IFT70B: variants seen among roughly 807,000 people sequenced by gnomAD.
IFT70B encodes the protein intraflagellar transport 70B.
chr2:177,552,773 G>C, the IFT70B span: 2 of 1,522,120 alleles, frequency 1.3e-6, no homozygotes, highest in South Asian at 2.6e-5. Flanking sequence ...TAACCACCAC[G>C]GCTGTTATGG....
chr2:177,552,329 TC>T, the IFT70B span: 3 of 1,614,136 alleles, frequency 1.9e-6, no homozygotes, highest in Non-Finnish European at 2.5e-6. Flanking sequence ...CACTTTCCTC[TC>T]CCCCTTCCCT....
At chr2:177,552,388 C>G in the IFT70B span, 1 of 1,613,896 alleles carries the variant, frequency 6.2e-7, no homozygotes. Context: ...AGATCGCCCT[C>G]GCTGTACTTG....
chr2:177,552,593 G>A, the IFT70B span: 1 of 1,595,902 alleles, frequency 6.3e-7, no homozygotes. Flanking sequence ...ACTCCTGCAG[G>A]CGGTAGTAGC....
the IFT70B span, chr2:177,552,494 G>A: frequency 6.2e-7 from 1 of 1,609,520 alleles, no homozygotes; most frequent in East Asian, 2.2e-5. Flanking sequence ...GGCAGGCCTT[G>A]TACAGGGCCT....
chr2:177,552,192 G>A, the IFT70B span: 2 of 1,614,210 alleles, frequency 1.2e-6, no homozygotes, highest in Non-Finnish European at 1.7e-6. Flanking sequence ...CAGGTTGTAG[G>A]AAAGGTCAGG....
At chr2:177,552,730 C>G in the IFT70B span, 543 of 1,584,040 alleles carry the variant, frequency 3.4e-4, no homozygotes, top group Non-Finnish European at 4.4e-4. Context: ...GTGAACTCCC[C>G]GTCGGGGATC....
chr2:177,552,566 C>T, the IFT70B span: 1 of 1,599,572 alleles, frequency 6.3e-7, no homozygotes, highest in Non-Finnish European at 8.5e-7. Context: ...GCTCATAGCA[C>T]TCGGCCGCCA....
the IFT70B span, chr2:177,550,812 C>T: frequency 2.5e-6 from 4 of 1,613,730 alleles, no homozygotes; most frequent in Non-Finnish European, 3.4e-6. Flanking sequence ...TTTTAACTGC[C>T]TAGACTCATA....
the IFT70B span, chr2:177,552,189 TAGG>T: frequency 9.9e-6 from 16 of 1,614,088 alleles, no homozygotes; most frequent in African/African-American, 1.3e-5. Context: ...AGCCAGGTTG[TAGG>T]AAAGGTCAGG....
At chr2:177,552,580 C>G in the IFT70B span, 1 of 1,596,938 alleles carries the variant, frequency 6.3e-7, no homozygotes, top group Non-Finnish European at 8.5e-7. Flanking sequence ...GCCGCCAGCG[C>G]GAACTCCTGC....
the IFT70B span, chr2:177,551,267 A>C: frequency 6.2e-7 from 1 of 1,613,642 alleles, no homozygotes. Context: ...TAGCCAGTAC[A>C]ATAGCACTGA....
the IFT70B span, chr2:177,549,627 G>A: frequency 6.6e-6 from 1 of 152,182 alleles, no homozygotes; most frequent in Non-Finnish European, 1.5e-5. Flanking sequence ...TGGGAAGAGA[G>A]GAGTGAGGAG....
the IFT70B span, chr2:177,552,520 G>A: frequency 1.7e-5 from 27 of 1,601,676 alleles, no homozygotes; most frequent in Non-Finnish European, 2.0e-5. Context: ...TGGTACAGGC[G>A]GTACTGCTCC....
the IFT70B span, chr2:177,551,064 A>G: frequency 3.1e-6 from 5 of 1,614,162 alleles, no homozygotes; most frequent in Non-Finnish European, 4.2e-6. Context: ...GCTTTTGATA[A>G]CTCGAGAAAT....
At chr2:177,549,092 AGACT>A in the IFT70B span, 2 of 152,250 alleles carry the variant, frequency 1.3e-5, no homozygotes, top group Non-Finnish European at 2.9e-5. Context: ...GGGGCTACCA[AGACT>A]GACAGGGGCA....
the IFT70B span, chr2:177,551,008 C>T: frequency 1.2e-6 from 2 of 1,614,150 alleles, no homozygotes; most frequent in Non-Finnish European, 1.7e-6. Flanking sequence ...CATCTTTTGG[C>T]ATAATACCAG....
the IFT70B span, chr2:177,552,741 T>C: frequency 2.5e-6 from 4 of 1,577,626 alleles, no homozygotes; most frequent in East Asian, 2.3e-5. Context: ...GTCGGGGATC[T>C]GCGCGCCGCT....
the IFT70B span, chr2:177,552,054 C>T: frequency 3.9e-5 from 63 of 1,614,066 alleles, no homozygotes; most frequent in Non-Finnish European, 4.5e-5. Flanking sequence ...GCCAACACTG[C>T]GAACATCAAT....
chr2:177,551,889 T>C, the IFT70B span: 6 of 1,614,228 alleles, frequency 3.7e-6, no homozygotes, highest in Non-Finnish European at 5.1e-6. Flanking sequence ...TAGTGCCTGG[T>C]TGTGTAGGGT....
Sources: allele counts gnomAD v4.1 joint callset, GRCh38; gene constraint gnomAD v4.1.1; transcripts MANE v1.5; gene names NCBI Gene and HGNC (gene_info 2026-07-23, HGNC 2026-07-21).